The following KPNA7 variants were observed in gnomAD, a reference collection of about 807,000 sequenced individuals.
KPNA7 encodes the protein importin subunit alpha-8.
KPNA7 carries 54 observed loss-of-function variants against 53.7 expected under a neutral mutation model. That is an observed-to-expected ratio of 1.01 (90% CI 0.81 to 1.26). The LOEUF (loss-of-function observed/expected upper bound fraction) is 1.26. Ranked by LOEUF, KPNA7 falls within the 50% of genes most tolerant of loss-of-function variation. The pLI, the probability that KPNA7 is intolerant of heterozygous loss-of-function variation, is 0.00. For synonymous variants in KPNA7, 276 were observed against 259.3 expected (o/e 1.06, Z -0.62); for missense variants, 640 against 644.5 (o/e 0.99, Z 0.07).
At position 99,207,508 on chromosome 7, in the gene KPNA7, C is replaced by A. The variant is rs1259884292; in HGVS notation, c.-23-19G>T. ...AAGTTACCTGCAGGTTGGACAGCAACAAAGAAATTTTCAGTGCCCATTGTG... is the reference window on the plus strand; with the variant it reads ...AAGTTACCTGCAGGTTGGACAGCAAAAAAGAAATTTTCAGTGCCCATTGTG... On this transcript the variant is annotated intron_variant, in intron 1 of 10. Transcript: ENST00000327442. 46 of 1,341,888 alleles carry A rather than the reference C, an allele frequency of 3.4e-5. 1 individual carries two copies. The Admixed American group carries it at 8.8e-4, about 26-fold the overall frequency. The allele number at this position is 1,341,888 out of a possible 1,614,324, so 83.1% of individuals were successfully genotyped here.
downstream of KPNA7, among the ~76,000 whole-genome samples, chr7:99,170,875 C>T (rs1359396727): frequency 6.6e-6 from 1 of 152,124 alleles, no homozygotes; most frequent in African/African-American, 2.4e-5. Context: ...ATGCTTGCAA[C>T]ATTCTGAAGG....
chr7:99,178,421 T>C (rs1268424982), intron 9 of KPNA7, among the ~76,000 whole-genome samples: 3 of 151,508 alleles, frequency 2.0e-5, no homozygotes, highest in Admixed American at 1.3e-4. Flanking sequence ...ATACAAAAAT[T>C]AGTTGGGCGT....
rs1799153206 is a variant in KPNA7, at chr7:99,180,691, GTGTC to G, written c.1317+1188_1317+1191del. On this transcript the variant is annotated intron_variant, in intron 9 of 10. Coordinates refer to ENST00000327442, the MANE Select transcript of KPNA7 (RefSeq NM_001145715.3). ...TGTGTGTGTGTCTCTCTCCCCGTCT[GTGTC>G]TCTGTCTGTGTCTCTCTCTCTCTCC... 5.8e-5 allele frequency among the ~76,000 whole-genome samples: 2 copies of G among 34,278 alleles called. 1 individual carries two copies. The highest frequency in any genetic ancestry group is 2.3e-4 in the Non-Finnish European group (2 of 8,722). 22.5% of individuals were successfully genotyped at this position (34,278 alleles called of 152,430 possible). A position where few individuals can be genotyped will look rare whatever the true frequency, so the allele number is the denominator to read the frequency against.
chr7:99,185,642 A>G (rs1199923761), intron 7 of KPNA7, among the ~76,000 whole-genome samples: 2 of 151,912 alleles, frequency 1.3e-5, no homozygotes, highest in African/African-American at 4.8e-5. Flanking sequence ...ATGGATGTTT[A>G]AAGGTGACTT....
intron 3 of KPNA7, among the ~76,000 whole-genome samples, chr7:99,200,936 C>G (rs1790497845): frequency 6.6e-6 from 1 of 152,070 alleles, no homozygotes; most frequent in Admixed American, 6.5e-5. Flanking sequence ...CCATTGCATT[C>G]CAGCCTGGGT....
chr7:99,178,108 C>A (rs754683513), intron 9 of KPNA7, 42 bp from the exon 10 acceptor site: 7 of 1,537,978 alleles, frequency 4.6e-6, no homozygotes, highest in Admixed American at 4.0e-5. Flanking sequence ...CCGGCAGGAG[C>A]CTTTGGGGGA....
chr7:99,197,349 C>T (rs1369517179), intron 3 of KPNA7, among the ~76,000 whole-genome samples: 1 of 152,150 alleles, frequency 6.6e-6, no homozygotes, highest in Admixed American at 6.5e-5. Flanking sequence ...CACCCAGCAA[C>T]AACAGCAAAC....
chr7:99,195,375 C>A, intron 4 of KPNA7, 37 bp from the exon 5 acceptor site: 1 of 1,540,506 alleles, frequency 6.5e-7, no homozygotes, highest in Non-Finnish European at 8.8e-7. Flanking sequence ...AGGGGGAGGT[C>A]AAGTGAGAGA....
At chr7:99,200,166 A>T (rs1211039359) in intron 3 of KPNA7, among the ~76,000 whole-genome samples, 1 of 151,968 alleles carries the variant, frequency 6.6e-6, no homozygotes, top group Non-Finnish European at 1.5e-5. Flanking sequence ...GCCTCCTAAT[A>T]TGCTGGGATT....
At chr7:99,189,375 C>T (rs1444304726) in intron 6 of KPNA7, among the ~76,000 whole-genome samples, 1 of 151,936 alleles carries the variant, frequency 6.6e-6, no homozygotes. Flanking sequence ...GATCTGCCTA[C>T]CTCCACCTCC....
At chr7:99,172,834 A>G (rs114246215), downstream of KPNA7, among the ~76,000 whole-genome samples, 3,504 of 152,180 alleles carry the variant, frequency 0.023, 137 homozygotes, top group African/African-American at 0.081. Flanking sequence ...AGGCTGAGAC[A>G]TGTGGATCAC....
chr7:99,176,629 C>A (rs1798918739), intron 10 of KPNA7, among the ~76,000 whole-genome samples: 1 of 152,144 alleles, frequency 6.6e-6, no homozygotes, highest in Non-Finnish European at 1.5e-5. Flanking sequence ...AATTCCGGCA[C>A]TTTGGGAGGC....
In KPNA7 at chr7:99,195,200, G is replaced by A. The variant is rs561035642; in HGVS notation, c.423C>T (p.Ile141=). Residue 141 remains isoleucine, a synonymous_variant, in exon 5 of 11, where the codon ATC becomes ATT. Coordinates refer to ENST00000327442, the MANE Select transcript of KPNA7 (RefSeq NM_001145715.3). ...GAGTCTGCTCCGAAGTCCCTGAAGCGATGTTGGTCAGGGCCCAGGCAGCCT... is the reference window on the plus strand; with the variant it reads ...GAGTCTGCTCCGAAGTCCCTGAAGCAATGTTGGTCAGGGCCCAGGCAGCCT... ...QFEAAWALTN[I]ASGTSEQTRA... 22 of 1,551,614 alleles carry A rather than the reference G, an allele frequency of 1.4e-5. No individual in the cohort carries two copies. The highest frequency in any genetic ancestry group is 8.3e-5 in the South Asian group (7 of 84,062).
intron 1 of KPNA7, among the ~76,000 whole-genome samples, chr7:99,217,230 G>A (rs796844065): frequency 3.3e-5 from 5 of 152,224 alleles, no homozygotes; most frequent in South Asian, 2.1e-4. Context: ...TGCCCAGCCC[G>A]GCTGCAGCTG....
chr7:99,146,750 AACG>A, the KPNA7 span, among the ~76,000 whole-genome samples: 469 of 125,022 alleles, frequency 3.8e-3, 13 homozygotes, highest in African/African-American at 0.015. Context: ...AAAAAAAAAC[AACG>A]GAAAATGCAT....
chr7:99,177,203 G>A (rs10278646), intron 10 of KPNA7, among the ~76,000 whole-genome samples: 3,510 of 152,266 alleles, frequency 0.023, 139 homozygotes, highest in African/African-American at 0.081. Context: ...CAAAATGATG[G>A]TTACTAAAAG....
At chr7:99,191,737 C>T (rs1310676641) in intron 6 of KPNA7, among the ~76,000 whole-genome samples, 1 of 152,058 alleles carries the variant, frequency 6.6e-6, no homozygotes, top group Non-Finnish European at 1.5e-5. Context: ...GCAACCTTCG[C>T]CTCCCAGGTT....
chr7:99,182,988 G>T (rs1159256020), intron 8 of KPNA7, among the ~76,000 whole-genome samples: 3 of 152,128 alleles, frequency 2.0e-5, no homozygotes, highest in African/African-American at 7.2e-5. Context: ...GGGCACGGTG[G>T]CTCACACCTG....
At chr7:99,149,229 T>C in the KPNA7 span, among the ~76,000 whole-genome samples, 1 of 152,014 alleles carries the variant, frequency 6.6e-6, no homozygotes. Context: ...AAGGAAATTA[T>C]CAAGCAAATG....
Sources: allele counts gnomAD v4.1 joint callset (sites outside exome capture counted in the v4.1 genomes callset), GRCh38; gene constraint gnomAD v4.1.1; transcripts MANE v1.5; gene names NCBI Gene and HGNC (gene_info 2026-07-23, HGNC 2026-07-21).